GNB1: variants seen among roughly 807,000 people sequenced by gnomAD.
GNB1 encodes the protein guanine nucleotide-binding protein G(I)/G(S)/G(T) subunit beta-1.
Under a neutral mutation model 42.9 loss-of-function variants are expected in GNB1, and 2 were observed. The ratio of observed to expected loss-of-function variants is 0.05; its 90% CI spans 0.02 to 0.15. The LOEUF is 0.15. GNB1 is among the 10% of genes least tolerant of loss of function. GNB1 has a pLI of 1.00. For synonymous variants in GNB1, 183 were observed against 174.7 expected, an observed-to-expected ratio of 1.05 and a Z score of -0.38; for missense variants, 193 against 462.2, an observed-to-expected ratio of 0.42 and a Z score of 5.34.
chr1:1,793,256 T>C lies in GNB1; in HGVS notation c.486A>G (p.Gly162=). The change falls in exon 8 of 12, where the codon GGA becomes GGG. Residue 162 remains glycine, a synonymous_variant. Coordinates refer to ENST00000378609, the MANE Select transcript of GNB1 (RefSeq NM_002074.5). ...GGTCAGGTACTTACCACGTGGTGTC[T>C]CCAGAGCTGGTGACGATCTGATTGT... ...LDDNQIVTSS[G]DTTCALWDIE... The C allele has an allele frequency of 6.2e-7, 1 of 1,612,140 alleles. No individual in the cohort carries two copies. Among genetic ancestry groups the C allele is most frequent in the Non-Finnish European group, 8.5e-7 (1 of 1,178,560 alleles).
chr1:1,811,378 G>C (rs1046634597), intron 5 of GNB1, among the ~76,000 whole-genome samples: 1 of 151,306 alleles, frequency 6.6e-6, no homozygotes, highest in Non-Finnish European at 1.5e-5. Flanking sequence ...GTGAGCCACC[G>C]CGTCTAGCCT....
Position 1,890,858 on chromosome 1 carries a change from C to T in GNB1, c.-134G>A, listed in dbSNP as rs1392626327. On this transcript the variant is annotated 5_prime_UTR_variant, in exon 1 of 12. Coordinates refer to ENST00000378609, the MANE Select transcript of GNB1 (RefSeq NM_002074.5). ...TCGCGGCCTGACGCGCCCACACCGCCGCCTCGGCCGCCGCTCGGCAGGTCG... is the reference window on the plus strand; with the variant it reads ...TCGCGGCCTGACGCGCCCACACCGCTGCCTCGGCCGCCGCTCGGCAGGTCG... The T allele has an allele frequency of 6.8e-6, 1 of 147,312 alleles. No individual in the cohort carries two copies. Among genetic ancestry groups the T allele is most frequent in the Admixed American group, 6.7e-5 (1 of 14,826 alleles). 9.1% of individuals were successfully genotyped at this position (147,312 alleles called of 1,614,324 possible).
At chr1:1,889,079 TAA>T (rs1650319186) in intron 1 of GNB1, among the ~76,000 whole-genome samples, 1 of 152,188 alleles carries the variant, frequency 6.6e-6, no homozygotes, top group African/African-American at 2.4e-5. Flanking sequence ...TTACTTTCAA[TAA>T]AGAGCTCCTC....
At chr1:1,815,619 G>A in intron 5 of GNB1, 137 bp downstream of exon 5, 1 of 610,964 alleles carries the variant, frequency 1.6e-6, no homozygotes, top group East Asian at 2.8e-5. Context: ...GCTGCACCTT[G>A]CGTGCCCAGA....
At chr1:1,872,548 G>A (rs997799473) in intron 1 of GNB1, among the ~76,000 whole-genome samples, 1 of 152,140 alleles carries the variant, frequency 6.6e-6, no homozygotes, top group Non-Finnish European at 1.5e-5. Context: ...TTCACCCGCT[G>A]TCCCTTCCGC....
chr1:1,844,394 A>G (rs1192910031), intron 1 of GNB1, among the ~76,000 whole-genome samples: 2 of 144,998 alleles, frequency 1.4e-5, no homozygotes, highest in Non-Finnish European at 3.0e-5. Flanking sequence ...CCGTCTCCAA[A>G]AAAAAAAAAA....
At chr1:1,873,841 C>A (rs754899074) in intron 1 of GNB1, among the ~76,000 whole-genome samples, 5 of 152,102 alleles carry the variant, frequency 3.3e-5, no homozygotes, top group African/African-American at 1.2e-4. Context: ...ACCGAGACTG[C>A]TGGACTGGAC....
At chr1:1,880,623 T>C (rs955729551) in intron 1 of GNB1, among the ~76,000 whole-genome samples, 30 of 151,844 alleles carry the variant, frequency 2.0e-4, no homozygotes, top group African/African-American at 6.5e-4. Context: ...ATGAAAACAG[T>C]TCTGACTAAG....
At chr1:1,788,788 GAGCCTGCAC>G in intron 10 of GNB1, 1 of 427,368 alleles carries the variant, frequency 2.3e-6, no homozygotes, top group Non-Finnish European at 4.4e-6. Context: ...CTGGGCCCTG[GAGCCTGCAC>G]AGCTGACCCT....
intron 2 of GNB1, among the ~76,000 whole-genome samples, chr1:1,828,894 TACACACACAC>T (rs71578341): frequency 6.7e-6 from 1 of 149,730 alleles, no homozygotes; most frequent in South Asian, 2.1e-4. Context: ...CATACACACA[TACACACACAC>T]ACACACACAA....
At chr1:1,880,974 C>T (rs1468639325) in intron 1 of GNB1, among the ~76,000 whole-genome samples, 1 of 151,798 alleles carries the variant, frequency 6.6e-6, no homozygotes, top group Non-Finnish European at 1.5e-5. Context: ...AGCACACCCT[C>T]GGAGGAAGGG....
At chr1:1,855,527 C>T (rs1482424899) in intron 1 of GNB1, among the ~76,000 whole-genome samples, 1 of 151,662 alleles carries the variant, frequency 6.6e-6, no homozygotes, top group Non-Finnish European at 1.5e-5. Flanking sequence ...CAGTGAAACC[C>T]CATCTCTACT....
At chr1:1,843,856 T>TC (rs1479398640) in intron 1 of GNB1, among the ~76,000 whole-genome samples, 1 of 151,832 alleles carries the variant, frequency 6.6e-6, no homozygotes, top group African/African-American at 2.4e-5. Flanking sequence ...GGTCATGAGT[T>TC]CGAGACCAGC....
intron 1 of GNB1, among the ~76,000 whole-genome samples, chr1:1,864,972 A>G (rs987706502): frequency 6.6e-6 from 1 of 152,154 alleles, no homozygotes; most frequent in Non-Finnish European, 1.5e-5. Context: ...TATAAAAACT[A>G]CCAGGCCAGG....
intron 1 of GNB1, among the ~76,000 whole-genome samples, chr1:1,848,418 T>C (rs567804627): frequency 2.0e-5 from 3 of 150,638 alleles, no homozygotes; most frequent in East Asian, 1.9e-4. Flanking sequence ...TCAGAAATTA[T>C]GTATTTCAGT....
At chr1:1,823,017 C>T (rs769755230) in intron 3 of GNB1, among the ~76,000 whole-genome samples, 18 of 151,792 alleles carry the variant, frequency 1.2e-4, no homozygotes, top group East Asian at 1.2e-3. Flanking sequence ...CCGAGGTGGG[C>T]GGATCACGAG....
At chr1:1,802,268 G>C (rs906440037) in intron 7 of GNB1, among the ~76,000 whole-genome samples, 1 of 152,094 alleles carries the variant, frequency 6.6e-6, no homozygotes, top group African/African-American at 2.4e-5. Context: ...CGGCCACCAT[G>C]ACAGACCATC....
intron 1 of GNB1, among the ~76,000 whole-genome samples, chr1:1,885,999 C>A (rs1385160717): frequency 2.0e-5 from 3 of 151,272 alleles, no homozygotes; most frequent in Non-Finnish European, 4.4e-5. Context: ...GAACAAGAGG[C>A]TAAAAGGTTT....
At chr1:1,857,156 C>T (rs1181454753) in intron 1 of GNB1, among the ~76,000 whole-genome samples, 1 of 152,176 alleles carries the variant, frequency 6.6e-6, no homozygotes, top group African/African-American at 2.4e-5. Context: ...CCTGACTTCA[C>T]TTTACCCCCA....
Sources: allele counts gnomAD v4.1 joint callset (sites outside exome capture counted in the v4.1 genomes callset), GRCh38; gene constraint gnomAD v4.1.1; transcripts MANE v1.5; gene names NCBI Gene and HGNC (gene_info 2026-07-23, HGNC 2026-07-21).